The following CHST9 variants were observed in gnomAD, a reference collection of about 807,000 sequenced individuals.
CHST9 encodes GalNAc-4-sulfotransferase 2.
In CHST9, 41 loss-of-function variants were observed where a neutral mutation model predicts 44.4. The ratio of observed to expected loss-of-function variants is 0.92; its 90% CI spans 0.72 to 1.20. The LOEUF is 1.20. CHST9 is among the 50% of genes most tolerant of loss of function. The pLI, the probability that CHST9 is intolerant of heterozygous loss-of-function variation, is 0.00. For synonymous variants in CHST9, 171 were observed against 178.4 expected (o/e 0.96, Z 0.33); for missense variants, 504 against 516.5 (o/e 0.98, Z 0.23).
chr18:27,154,525 G>A (rs1425177882), intron 1 of CHST9, among the ~76,000 whole-genome samples: 2 of 151,970 alleles, frequency 1.3e-5, no homozygotes, highest in South Asian at 2.1e-4. Flanking sequence ...ACCCGGATGT[G>A]GTGTGCAAGC....
Position 26,974,001 on chromosome 18 carries a change from A to G in CHST9, c.203-29635T>C, listed in dbSNP as rs185740014. ...AAAAAAATTGTGCATGCCTGCCATG[A>G]TATTTTGGACACACTGAGATGTTTT... On this transcript the variant is annotated intron_variant, in intron 4 of 5. Coordinates refer to ENST00000618847, the MANE Select transcript of CHST9 (RefSeq NM_031422.6). Among the ~76,000 whole-genome samples the G allele has an allele frequency of 1.4e-4, 21 of 152,286 alleles. No individual in the cohort carries two copies. The East Asian group carries it at 4.1e-3, about 29-fold the overall frequency.
At chr18:27,138,053 C>T (rs1163253170) in intron 2 of CHST9, among the ~76,000 whole-genome samples, 1 of 152,162 alleles carries the variant, frequency 6.6e-6, no homozygotes, top group Non-Finnish European at 1.5e-5. Flanking sequence ...GTCAGCAATT[C>T]TATCCCTGAC....
chr18:26,999,245 T>G (rs2056921517), intron 4 of CHST9, among the ~76,000 whole-genome samples: 1 of 152,236 alleles, frequency 6.6e-6, no homozygotes, highest in Admixed American at 6.5e-5. Flanking sequence ...TTCAGAGCCA[T>G]GGAGCAGGTA....
chr18:26,979,121 G>A lies in CHST9; in HGVS notation c.203-34755C>T, dbSNP rs142860594. Among the ~76,000 whole-genome samples, 688 of 151,964 alleles carry A rather than the reference G, an allele frequency of 4.5e-3. 2 individuals carry two copies. The highest frequency in any genetic ancestry group is 7.4e-3 in the Non-Finnish European group (500 of 67,974). On this transcript the variant is annotated intron_variant, in intron 4 of 5. Transcript: ENST00000618847. ...CTGTGCTATTGCCTTTTGGAAATAT[G>A]CCCATCCTATTTTGTTGTGAGAGTT...
intron 2 of CHST9, among the ~76,000 whole-genome samples, chr18:27,121,855 T>C (rs2058377200): frequency 6.6e-6 from 1 of 152,266 alleles, no homozygotes; most frequent in African/African-American, 2.4e-5. Context: ...TAGGTTTCTA[T>C]GCATCTATCT....
chr18:26,914,224 G>C lies in CHST9; in HGVS notation c.*2035C>G, dbSNP rs2055480187. 6.6e-6 allele frequency: 1 copy of C among 152,142 alleles called. No individual in the cohort carries two copies. The highest frequency in any genetic ancestry group is 1.5e-5 in the Non-Finnish European group (1 of 68,020). 9.4% of individuals were successfully genotyped at this position (152,142 alleles called of 1,614,324 possible). On this transcript the variant is annotated 3_prime_UTR_variant, in exon 6 of 6. Coordinates refer to ENST00000618847, the MANE Select transcript of CHST9 (RefSeq NM_031422.6). ...TGCATTACAAATGCCAATAAGAGAG[G>C]TAGGACTGTTGTTTCCATTTTTTTC...
intron 2 of CHST9, 108 bp from the exon 3 acceptor site, chr18:27,048,611 G>T: frequency 1.2e-6 from 1 of 853,038 alleles, no homozygotes; most frequent in South Asian, 1.7e-5. Context: ...CTCTACTTCA[G>T]CCATGTCCAG....
intron 2 of CHST9, among the ~76,000 whole-genome samples, chr18:27,059,289 A>G (rs1478360683): frequency 6.6e-6 from 1 of 152,218 alleles, no homozygotes; most frequent in Non-Finnish European, 1.5e-5. Context: ...ATATGTATCT[A>G]GGCTTCGAAA....
chr18:27,162,048 T>G (rs1455126680), intron 1 of CHST9, among the ~76,000 whole-genome samples: 1 of 152,176 alleles, frequency 6.6e-6, no homozygotes, highest in Non-Finnish European at 1.5e-5. Context: ...CTGATGGGTC[T>G]TGACTCTTTA....
At chr18:26,951,653 C>T (rs1003051391) in intron 4 of CHST9, among the ~76,000 whole-genome samples, 67 of 152,158 alleles carry the variant, frequency 4.4e-4, no homozygotes, top group African/African-American at 1.6e-3. Flanking sequence ...TTTGTAGTGC[C>T]TTACATAAAA....
At chr18:27,023,893 T>C (rs74884740) in intron 4 of CHST9, among the ~76,000 whole-genome samples, 2,467 of 152,312 alleles carry the variant, frequency 0.016, 59 homozygotes, top group African/African-American at 0.057. Flanking sequence ...GTTTCCTTTG[T>C]AAATCCCTTG....
intron 4 of CHST9, among the ~76,000 whole-genome samples, chr18:26,957,886 T>C (rs2056346785): frequency 6.6e-6 from 1 of 152,010 alleles, no homozygotes; most frequent in Non-Finnish European, 1.5e-5. Context: ...TCTTTTTTGT[T>C]GTTTTTGTTT....
chr18:27,057,662 A>C (rs2057673025), intron 2 of CHST9, among the ~76,000 whole-genome samples: 1 of 152,252 alleles, frequency 6.6e-6, no homozygotes. Flanking sequence ...CTGGCCCTTC[A>C]GAAACATATC....
At chr18:26,955,251 A>G (rs1025012260) in intron 4 of CHST9, among the ~76,000 whole-genome samples, 1 of 148,602 alleles carries the variant, frequency 6.7e-6, no homozygotes, top group African/African-American at 2.5e-5. Flanking sequence ...TATTTTACAC[A>G]TCTATACCAT....
intron 2 of CHST9, among the ~76,000 whole-genome samples, chr18:27,091,454 T>C (rs890121676): frequency 1.3e-5 from 2 of 152,206 alleles, no homozygotes; most frequent in Non-Finnish European, 2.9e-5. Context: ...TCTTGCCTGA[T>C]TGCCCTGGCC....
chr18:26,969,294 G>A (rs554808797), intron 4 of CHST9, among the ~76,000 whole-genome samples: 91 of 152,084 alleles, frequency 6.0e-4, no homozygotes, highest in African/African-American at 2.2e-3. Flanking sequence ...GAGCCACCGC[G>A]CCTGGCCACG....
chr18:27,002,091 T>C (rs2056960319), intron 4 of CHST9, among the ~76,000 whole-genome samples: 2 of 148,914 alleles, frequency 1.3e-5, no homozygotes, highest in Non-Finnish European at 3.0e-5. Flanking sequence ...TGAGAAAGAG[T>C]CACTCCTTCC....
intron 2 of CHST9, among the ~76,000 whole-genome samples, chr18:27,109,692 A>C (rs1483622127): frequency 6.6e-6 from 1 of 152,164 alleles, no homozygotes; most frequent in East Asian, 1.9e-4. Context: ...ATCACGATCT[A>C]TCTGAATCCG....
At chr18:26,971,475 A>T (rs1384500717) in intron 4 of CHST9, among the ~76,000 whole-genome samples, 1 of 152,234 alleles carries the variant, frequency 6.6e-6, no homozygotes, top group Non-Finnish European at 1.5e-5. Flanking sequence ...TGTTGCAATA[A>T]CAAACAATTG....
Sources: gnomAD v4.1 joint callset for allele counts (sites outside exome capture counted in the v4.1 genomes callset) on GRCh38, gnomAD v4.1.1 for gene constraint, MANE v1.5 for transcripts, NCBI Gene and HGNC (gene_info 2026-07-23, HGNC 2026-07-21) for gene names.